Variants in DCK observed in about 807,000 individuals in gnomAD.
DCK encodes the protein deoxycytidine kinase.
Under a neutral mutation model 38.3 loss-of-function variants are expected in DCK, and 23 were observed. The observed-to-expected ratio is 0.60, with a 90% CI of 0.43 to 0.85. The LOEUF is 0.85. Ranked by LOEUF, DCK falls within the 40% of genes least tolerant of loss-of-function variation. DCK has a pLI of 0.00. For synonymous variants in DCK, 108 were observed against 100.6 expected (o/e 1.07, Z -0.44); for missense variants, 259 against 304.4 (o/e 0.85, Z 1.11).
chr4:71,015,889 C>G lies in DCK; in HGVS notation c.208-6478C>G, dbSNP rs1740249750. Among the ~76,000 whole-genome samples the G allele has an allele frequency of 3.3e-5, 5 of 152,324 alleles. No individual in the cohort carries two copies. In the East Asian group the frequency reaches 5.8e-4, roughly 18 times the overall value. On this transcript the variant is annotated intron_variant, in intron 2 of 6. Coordinates refer to ENST00000286648, the MANE Select transcript of DCK (RefSeq NM_000788.3). ...AACTGGCACAAGACACGGATGCCCT[C>G]TCTCACCACTCCTATTCAACATAGT...
At chr4:71,012,336 G>T (rs1336917410) in intron 2 of DCK, among the ~76,000 whole-genome samples, 2 of 152,240 alleles carry the variant, frequency 1.3e-5, no homozygotes, top group African/African-American at 4.8e-5. Context: ...CTCCACCTCT[G>T]GGGGCAGGGC....
chr4:70,993,969 G>A (rs1268104360), intron 1 of DCK, 43 bp downstream of exon 1: 3 of 1,373,556 alleles, frequency 2.2e-6, no homozygotes, highest in Non-Finnish European at 3.1e-6. Context: ...CTGGGGTGTC[G>A]CGGCAGTGGC....
intron 3 of DCK, among the ~76,000 whole-genome samples, 191 bp from the exon 4 acceptor site, chr4:71,023,368 A>G (rs756752660): frequency 1.3e-5 from 2 of 152,196 alleles, no homozygotes; most frequent in African/African-American, 2.4e-5. Flanking sequence ...TGGGGACTTA[A>G]TGGGGTCCTC....
intron 2 of DCK, among the ~76,000 whole-genome samples, chr4:71,016,963 C>T (rs546891217): frequency 6.6e-6 from 1 of 152,282 alleles, no homozygotes; most frequent in African/African-American, 2.4e-5. Context: ...AGCTTCTGCA[C>T]AGCAAAAGAA....
rs1197363948 is a variant in DCK at position 71,030,222 on chromosome 4, A to G, written c.*844A>G. The G allele has an allele frequency of 1.3e-5, 2 of 152,568 alleles. No individual in the cohort carries two copies. The highest frequency in any genetic ancestry group is 2.9e-5 in the Non-Finnish European group (2 of 68,030). The allele number at this position is 152,568 out of a possible 1,614,324, so 9.5% of individuals were successfully genotyped here. ...ATTAATTAATGAGACACACTTAACTACTTATCTCTAAACCATCTATGTGAA... is the reference window on the plus strand; with the variant it reads ...ATTAATTAATGAGACACACTTAACTGCTTATCTCTAAACCATCTATGTGAA... On this transcript the variant is annotated 3_prime_UTR_variant, in exon 7 of 7. Coordinates refer to ENST00000286648, the MANE Select transcript of DCK (RefSeq NM_000788.3).
At chr4:70,998,925 CAAA>C (rs1209192017) in intron 2 of DCK, among the ~76,000 whole-genome samples, 2 of 95,152 alleles carry the variant, frequency 2.1e-5, no homozygotes, top group African/African-American at 3.7e-5. Context: ...ACTGTCTCAA[CAAA>C]AAAAAAAAAA....
Position 71,022,558 on chromosome 4 carries a change from C to A in DCK, c.399C>A (p.Asp133Glu). 1 of 1,519,132 alleles carries A rather than the reference C, an allele frequency of 6.6e-7. No homozygotes were observed. Among genetic ancestry groups the A allele is most frequent in the Non-Finnish European group, 8.8e-7 (1 of 1,137,020 alleles). 94.1% of individuals were successfully genotyped at this position (1,519,132 alleles called of 1,614,324 possible). The change falls in exon 3 of 7, where the codon GAC (aspartate) becomes GAA (glutamate). Residue 133 changes from aspartate (D) to glutamate (E), a missense_variant and splice_region_variant. Physicochemically the swap from Asp to Glu is conservative, Grantham distance 45 (BLOSUM62 2). Coordinates refer to ENST00000286648, the MANE Select transcript of DCK (RefSeq NM_000788.3). ...VLFFERSVYSDRYIFASNLYE... is the reference protein window; with the variant it reads ...VLFFERSVYSERYIFASNLYE... The stretch of plus-strand genomic sequence containing the variant: ...TTTTTGAACGATCTGTGTATAGTGA[C>A]AGGTATGTATAAATGGCTTGTACGT...
At chr4:71,001,483 T>C (rs989590710) in intron 2 of DCK, among the ~76,000 whole-genome samples, 2 of 152,106 alleles carry the variant, frequency 1.3e-5, no homozygotes, top group African/African-American at 4.8e-5. Flanking sequence ...GTTTTTGTAT[T>C]AGGGTGATGC....
intron 2 of DCK, among the ~76,000 whole-genome samples, chr4:71,004,794 C>T (rs544914090): frequency 7.2e-5 from 11 of 152,286 alleles, no homozygotes; most frequent in African/African-American, 1.2e-4. Context: ...TCAGTAATGG[C>T]GGGCACCCCT....
chr4:71,005,508 ATTT>A (rs748284378), intron 2 of DCK, among the ~76,000 whole-genome samples: 2 of 142,526 alleles, frequency 1.4e-5, no homozygotes, highest in Admixed American at 7.1e-5. Flanking sequence ...GTCTTTTCTA[ATTT>A]TTTTTTTTTT....
At chr4:71,006,062 G>A (rs1739930653) in intron 2 of DCK, among the ~76,000 whole-genome samples, 1 of 140,202 alleles carries the variant, frequency 7.1e-6, no homozygotes. Context: ...GGAGGTGGAG[G>A]TTGCAGTGAG....
intron 2 of DCK, among the ~76,000 whole-genome samples, chr4:71,004,058 GC>G (rs1287398693): frequency 3.3e-5 from 5 of 152,166 alleles, no homozygotes; most frequent in Non-Finnish European, 7.3e-5. Context: ...GGAATTTTTA[GC>G]TTTTTTGCAC....
At chr4:71,026,060 C>G in intron 5 of DCK, 129 bp downstream of exon 5, 1 of 1,116,624 alleles carries the variant, frequency 9.0e-7, no homozygotes, top group Non-Finnish European at 1.2e-6. Flanking sequence ...TTGGTATCTT[C>G]CAGAACTAGG....
At chr4:71,019,628 A>G (rs1740356756) in intron 2 of DCK, among the ~76,000 whole-genome samples, 1 of 152,172 alleles carries the variant, frequency 6.6e-6, no homozygotes, top group African/African-American at 2.4e-5. Flanking sequence ...TAGTCTTTTA[A>G]AACATATCAT....
chr4:70,993,898 C>G lies in DCK; in HGVS notation c.63C>G (p.Ile21Met), dbSNP rs1739599685. 1 of 1,613,908 alleles carries G rather than the reference C, an allele frequency of 6.2e-7. No homozygotes were observed. The highest frequency in any genetic ancestry group is 2.2e-5 in the East Asian group (1 of 44,878). ...CAGCCAGCTCTGAGGGGACCCGCAT[C>G]AAGAAAATCTCCATCGAAGGGAACA... ...SFSASSEGTR[I>M]KKISIEGNIA... The change falls in exon 1 of 7, where the codon ATC (isoleucine) becomes ATG (methionine). Residue 21 changes from isoleucine (I) to methionine (M), a missense_variant. By Grantham distance (10) the Ile-to-Met change is conservative (BLOSUM62 1). Around this residue, in one of 3 missense-constraint regions of DCK, gnomAD observed 159 missense variants for 159.0 expected, o/e 1.00. Coordinates refer to ENST00000286648, the MANE Select transcript of DCK (RefSeq NM_000788.3).
chr4:71,010,166 C>CTTTTT (rs367836620), intron 2 of DCK, among the ~76,000 whole-genome samples: 1 of 135,358 alleles, frequency 7.4e-6, no homozygotes, highest in Admixed American at 7.5e-5. Flanking sequence ...GCTGTTTTAG[C>CTTTTT]TTTTTTTTTT....
intron 2 of DCK, among the ~76,000 whole-genome samples, chr4:71,012,417 A>T: frequency 6.6e-6 from 1 of 152,244 alleles, no homozygotes; most frequent in Non-Finnish European, 1.5e-5. Context: ...TGAAGAGAGT[A>T]GTGGTTCTCT....
intron 2 of DCK, among the ~76,000 whole-genome samples, chr4:71,014,429 T>C (rs1445703204): frequency 6.6e-6 from 1 of 152,206 alleles, no homozygotes; most frequent in African/African-American, 2.4e-5. Context: ...CTAAAAGACA[T>C]CTACAGAACT....
chr4:71,017,847 G>T (rs553365662), intron 2 of DCK, among the ~76,000 whole-genome samples: 1 of 151,780 alleles, frequency 6.6e-6, no homozygotes, highest in Admixed American at 6.6e-5. Flanking sequence ...GTTAATGGGT[G>T]CAGTACACCA....
Sources: allele counts gnomAD v4.1 joint callset (sites outside exome capture counted in the v4.1 genomes callset), GRCh38; gene constraint gnomAD v4.1.1; regional missense constraint gnomAD v4.1.1; transcripts MANE v1.5; gene names NCBI Gene and HGNC (gene_info 2026-07-23, HGNC 2026-07-21).